NRG3: variants seen among roughly 807,000 people sequenced by gnomAD.
The protein encoded by NRG3 is neuregulin 3, also known as pro-neuregulin-3, membrane-bound isoform.
In NRG3, 31 loss-of-function variants were observed where a neutral mutation model predicts 66.9. The observed-to-expected ratio is 0.46, with a 90% CI of 0.35 to 0.63. The LOEUF (loss-of-function observed/expected upper bound fraction) is 0.63, where lower values mean the gene tolerates loss of function less well. Ranked by LOEUF, NRG3 falls within the 20% of genes least tolerant of loss-of-function variation. The pLI, the probability that NRG3 is intolerant of heterozygous loss-of-function variation, is 0.00. For missense variants in NRG3, 910 were observed against 878.9 expected (o/e 1.04, Z -0.45); for synonymous variants, 393 against 359.4 (o/e 1.09, Z -1.06).
At chr10:82,650,103 G>T (rs1445223581) in intron 2 of NRG3, among the ~76,000 whole-genome samples, 1 of 152,108 alleles carries the variant, frequency 6.6e-6, no homozygotes, top group African/African-American at 2.4e-5. Context: ...TTGGAGTCCA[G>T]TGAAAACCTA....
chr10:82,132,194 G>A (rs959428848), intron 1 of NRG3, among the ~76,000 whole-genome samples: 4 of 151,604 alleles, frequency 2.6e-5, no homozygotes, highest in Non-Finnish European at 4.4e-5. Flanking sequence ...CTTTTATTGT[G>A]TTGAGATATG....
At chr10:82,221,460 C>G (rs182805146) in intron 1 of NRG3, among the ~76,000 whole-genome samples, 102 of 152,264 alleles carry the variant, frequency 6.7e-4, no homozygotes, top group Middle Eastern at 6.8e-3. Flanking sequence ...TGGCTTCAAT[C>G]AATTCCTCTG....
chr10:81,950,784 A>G (rs1281656495), intron 1 of NRG3, among the ~76,000 whole-genome samples: 1 of 152,238 alleles, frequency 6.6e-6, no homozygotes, highest in African/African-American at 2.4e-5. Context: ...CACAGCTATA[A>G]AAGGCAACGC....
intron 2 of NRG3, among the ~76,000 whole-genome samples, chr10:82,479,394 T>G (rs980203738): frequency 6.6e-6 from 1 of 151,376 alleles, no homozygotes; most frequent in Non-Finnish European, 1.5e-5. Context: ...GCGTGTGTAG[T>G]CTTGGCACAT....
chr10:82,390,342 G>GT lies in NRG3; in HGVS notation c.953+31475dup, dbSNP rs984578200. On this transcript the variant is annotated intron_variant, in intron 2 of 8. Coordinates refer to ENST00000372141, the MANE Select transcript of NRG3 (RefSeq NM_001010848.4). ...AAGTCAAGTTTGTTTGTGTTTTTTTGTGGGGGGGCTGGGGTGGATTGTTCT... is the reference window on the plus strand; with the variant it reads ...AAGTCAAGTTTGTTTGTGTTTTTTTGTTGGGGGGGCTGGGGTGGATTGTTCT... Among the ~76,000 whole-genome samples the GT allele has an allele frequency of 5.1e-4, 77 of 150,694 alleles. 1 individual carries two copies. The highest frequency in any genetic ancestry group is 2.6e-3 in the Admixed American group (40 of 15,096).
chr10:82,183,903 G>A (rs541559661), intron 1 of NRG3, among the ~76,000 whole-genome samples: 47 of 152,240 alleles, frequency 3.1e-4, no homozygotes, highest in African/African-American at 1.1e-3. Flanking sequence ...TAAGGGCTGA[G>A]GTTCCTTCTT....
At chr10:82,499,814 G>A (rs1843982759) in intron 2 of NRG3, among the ~76,000 whole-genome samples, 1 of 152,182 alleles carries the variant, frequency 6.6e-6, no homozygotes, top group South Asian at 2.1e-4. Context: ...ACTTTGAGGT[G>A]TGAAAAACCT....
chr10:82,965,264 A>G (rs1301044595), intron 6 of NRG3, among the ~76,000 whole-genome samples: 1 of 152,200 alleles, frequency 6.6e-6, no homozygotes, highest in African/African-American at 2.4e-5. Flanking sequence ...TGTCAAGGAA[A>G]TAACATAGAA....
chr10:81,904,050 C>T (rs1844355185), intron 1 of NRG3, among the ~76,000 whole-genome samples: 1 of 151,026 alleles, frequency 6.6e-6, no homozygotes, highest in African/African-American at 2.4e-5. Context: ...ACTCTTGTCA[C>T]CCAGGCTGGA....
chr10:82,900,252 T>C (rs757333191), intron 4 of NRG3, among the ~76,000 whole-genome samples: 8 of 152,146 alleles, frequency 5.3e-5, no homozygotes, highest in Admixed American at 6.5e-5. Context: ...ACCTTCAAAA[T>C]TGGGGATTAC....
In NRG3 at chr10:82,866,399, TGA is replaced by T. The variant is rs1840745865; in HGVS notation, c.1054+967_1054+968del. Among the ~76,000 whole-genome samples, 2 of 152,188 alleles carry T rather than the reference TGA, an allele frequency of 1.3e-5. 1 individual carries two copies. The highest frequency in any genetic ancestry group is 3.8e-4 in the East Asian group (2 of 5,200). ...TGATTTGGGATAGCTTTGACATATT[TGA>T]GAGACGTTAAGTTGGTGGTTGTATT... On this transcript the variant is annotated intron_variant, in intron 4 of 8. Transcript: ENST00000372141.
chr10:82,587,468 T>C (rs1426337525), intron 2 of NRG3, among the ~76,000 whole-genome samples: 2 of 152,252 alleles, frequency 1.3e-5, no homozygotes, highest in Admixed American at 6.5e-5. Context: ...GTTTTAAGAA[T>C]GTAAAGGGGT....
intron 1 of NRG3, among the ~76,000 whole-genome samples, chr10:81,958,779 C>G (rs1254341778): frequency 2.0e-5 from 3 of 152,126 alleles, no homozygotes; most frequent in East Asian, 3.9e-4. Context: ...ATCCTAGCTA[C>G]TTGGGAGGCT....
At chr10:82,040,842 T>C (rs2063000867) in intron 1 of NRG3, among the ~76,000 whole-genome samples, 2 of 152,108 alleles carry the variant, frequency 1.3e-5, no homozygotes, top group African/African-American at 4.8e-5. Flanking sequence ...TTTTTAGGTA[T>C]ATTTGAACAA....
At chr10:82,916,212 G>A (rs943225982) in intron 4 of NRG3, among the ~76,000 whole-genome samples, 1 of 152,178 alleles carries the variant, frequency 6.6e-6, no homozygotes, top group Non-Finnish European at 1.5e-5. Context: ...AGCACTTTGG[G>A]AGGCCAAGTT....
chr10:82,279,392 C>T (rs1279971970), intron 1 of NRG3, among the ~76,000 whole-genome samples: 1 of 152,044 alleles, frequency 6.6e-6, no homozygotes, highest in Non-Finnish European at 1.5e-5. Context: ...AAAAAGAAAC[C>T]ATAAAAAGCC....
chr10:82,761,869 T>C (rs1306533711), intron 3 of NRG3, among the ~76,000 whole-genome samples: 2 of 150,510 alleles, frequency 1.3e-5, no homozygotes, highest in Non-Finnish European at 3.0e-5. Flanking sequence ...TTCTTTTTCC[T>C]TTTTTTCTTC....
At chr10:82,914,272 G>A (rs1029138073) in intron 4 of NRG3, among the ~76,000 whole-genome samples, 1 of 152,078 alleles carries the variant, frequency 6.6e-6, no homozygotes, top group African/African-American at 2.4e-5. Flanking sequence ...AAAAATCTCT[G>A]CTGTATCTGA....
chr10:82,048,953 CAG>C (rs778817403), intron 1 of NRG3, among the ~76,000 whole-genome samples: 1 of 152,098 alleles, frequency 6.6e-6, no homozygotes, highest in Non-Finnish European at 1.5e-5. Flanking sequence ...AAACTACCAA[CAG>C]AGAATACTAC....
Sources: gnomAD v4.1 joint callset for allele counts (sites outside exome capture counted in the v4.1 genomes callset) on GRCh38, gnomAD v4.1.1 for gene constraint, MANE v1.5 for transcripts, NCBI Gene and HGNC (gene_info 2026-07-23, HGNC 2026-07-21) for gene names.